The following CELF2 variants were observed in gnomAD, a reference collection of about 807,000 sequenced individuals.
CELF2 encodes the protein CUG triplet repeat RNA-binding protein 2.
In CELF2, 8 loss-of-function variants were observed where a neutral mutation model predicts 62.6. That is an observed-to-expected ratio of 0.13 (90% CI 0.07 to 0.23). The LOEUF (loss-of-function observed/expected upper bound fraction) is 0.23. CELF2 is among the 10% of genes least tolerant of loss of function. CELF2 has a pLI of 1.00. For synonymous variants in CELF2, 258 were observed against 250.0 expected (o/e 1.03, Z -0.30); for missense variants, 333 against 671.0 (o/e 0.50, Z 5.56).
the CELF2 span, among the ~76,000 whole-genome samples, chr10:10,562,933 T>TG: frequency 8.6e-4 from 131 of 151,872 alleles, 3 homozygotes; most frequent in Non-Finnish European, 3.5e-4. Context: ...GCATTTTTTT[T>TG]TTTTAAAGCT....
At chr10:11,148,343 A>G (rs1006543441) in intron 1 of CELF2, among the ~76,000 whole-genome samples, 7 of 152,252 alleles carry the variant, frequency 4.6e-5, no homozygotes, top group Non-Finnish European at 8.8e-5. Context: ...CACAGCGTGT[A>G]ACGGAAGGCA....
the CELF2 span, among the ~76,000 whole-genome samples, chr10:10,688,508 G>A: frequency 1.3e-5 from 2 of 152,164 alleles, no homozygotes; most frequent in African/African-American, 2.4e-5. Flanking sequence ...CCACAACAGA[G>A]TAAACCAATT....
At chr10:11,195,087 G>A (rs1292319792) in intron 2 of CELF2, among the ~76,000 whole-genome samples, 1 of 152,182 alleles carries the variant, frequency 6.6e-6, no homozygotes, top group Non-Finnish European at 1.5e-5. Context: ...CCTTTTGGAA[G>A]CTGTAGAAAT....
At chr10:10,848,360 G>A (rs145258401) in intron 1 of CELF2, among the ~76,000 whole-genome samples, 12 of 152,222 alleles carry the variant, frequency 7.9e-5, no homozygotes, top group Non-Finnish European at 1.2e-4. Flanking sequence ...TGGCAACAGC[G>A]CCTTGAATAT....
the CELF2 span, among the ~76,000 whole-genome samples, chr10:10,479,250 C>T: frequency 6.6e-6 from 1 of 152,120 alleles, no homozygotes; most frequent in Non-Finnish European, 1.5e-5. Flanking sequence ...GTCACTGCAA[C>T]CTCTGACTCT....
intron 1 of CELF2, among the ~76,000 whole-genome samples, chr10:11,118,718 C>A (rs1028462668): frequency 6.6e-6 from 1 of 152,126 alleles, no homozygotes. Context: ...AATGTTAAAG[C>A]AAATAAATGT....
chr10:10,823,291 G>A (rs1037937601), intron 1 of CELF2, among the ~76,000 whole-genome samples: 12 of 152,140 alleles, frequency 7.9e-5, no homozygotes, highest in East Asian at 3.8e-4. Flanking sequence ...TAAAAATTCC[G>A]TATCTGAACA....
chr10:11,030,909 A>G (rs1472322449), intron 1 of CELF2: 1 of 152,256 alleles, frequency 6.6e-6, no homozygotes, highest in East Asian at 1.9e-4. Context: ...AGATCTCTTA[A>G]TGCCTGAGGC....
the CELF2 span, among the ~76,000 whole-genome samples, chr10:10,526,524 G>A: frequency 2.2e-4 from 34 of 151,998 alleles, no homozygotes; most frequent in African/African-American, 7.7e-4. Flanking sequence ...GACCTTATAC[G>A]CATCAGGTAC....
At chr10:11,266,313 C>T (rs532349640) in intron 5 of CELF2, among the ~76,000 whole-genome samples, 2 of 152,042 alleles carry the variant, frequency 1.3e-5, no homozygotes, top group East Asian at 3.9e-4. Flanking sequence ...ATTTCAAACC[C>T]GGTGGCTAAA....
intron 8 of CELF2, among the ~76,000 whole-genome samples, chr10:11,277,269 T>A (rs2086491549): frequency 6.6e-6 from 1 of 152,208 alleles, no homozygotes; most frequent in African/African-American, 2.4e-5. Context: ...CTTAACTCTG[T>A]CCTTGCCATC....
At position 10,936,172 on chromosome 10, in the gene CELF2, T is replaced by A. The variant is rs2046367451; in HGVS notation, c.89+16173T>A. On this transcript the variant is annotated intron_variant, in intron 2 of 13. Transcript: ENST00000636488. This position sits in a 1 kb window ranked among gnomAD's most constrained non-coding sequence, Gnocchi z 4.0. ...GTGAGACTCCATCTCACAAAAAAAATAAATAAAATAATAAAGAGAGAGAAA... is the reference window on the plus strand; with the variant it reads ...GTGAGACTCCATCTCACAAAAAAAAAAAATAAAATAATAAAGAGAGAGAAA... Among the ~76,000 whole-genome samples, 1 of 150,992 alleles carries A rather than the reference T, an allele frequency of 6.6e-6. No homozygotes were observed. Among genetic ancestry groups the A allele is most frequent in the African/African-American group, 2.4e-5 (1 of 41,052 alleles).
At position 11,191,202 on chromosome 10, in the gene CELF2, G is replaced by C. The variant is rs1279599717; in HGVS notation, c.271+25520G>C. ...AACAATGGACACTCATGTTCATCTA[G>C]TTCTGTCCCTTTTCAGCTTTACAGA... is the stretch of plus-strand genomic sequence containing the variant. On this transcript the variant is annotated intron_variant, in intron 2 of 12. Coordinates refer to ENST00000633077, the MANE Select transcript of CELF2 (RefSeq NM_001326342.2). The surrounding 1 kb of genome is among the most constrained non-coding windows in gnomAD (Gnocchi z 4.1). Among the ~76,000 whole-genome samples, 1 of 152,180 alleles carries C rather than the reference G, an allele frequency of 6.6e-6. No individual in the cohort carries two copies. The highest frequency in any genetic ancestry group is 1.5e-5 in the Non-Finnish European group (1 of 68,040).
the CELF2 span, among the ~76,000 whole-genome samples, chr10:10,633,449 C>T: frequency 6.6e-6 from 1 of 152,136 alleles, no homozygotes; most frequent in East Asian, 1.9e-4. Context: ...TGGGTGTTTC[C>T]ATTTCCAACT....
chr10:10,779,318 T>C, the CELF2 span, among the ~76,000 whole-genome samples: 6 of 152,176 alleles, frequency 3.9e-5, no homozygotes, highest in African/African-American at 1.4e-4. Context: ...TAATGCAACA[T>C]ATGGTTGGTG....
chr10:10,906,521 T>A (rs2063348961), intron 1 of CELF2, among the ~76,000 whole-genome samples: 1 of 152,082 alleles, frequency 6.6e-6, no homozygotes, highest in East Asian at 1.9e-4. Flanking sequence ...AGGTAGCATT[T>A]CACTAGTCCT....
At chr10:10,787,924 A>G in the CELF2 span, among the ~76,000 whole-genome samples, 1 of 152,198 alleles carries the variant, frequency 6.6e-6, no homozygotes, top group Non-Finnish European at 1.5e-5. Context: ...TCAAATCATT[A>G]TGGGATGTCC....
At chr10:10,761,936 G>C in the CELF2 span, among the ~76,000 whole-genome samples, 41 of 151,434 alleles carry the variant, frequency 2.7e-4, no homozygotes, top group African/African-American at 9.2e-4. Flanking sequence ...GTGTGTGTGT[G>C]TGTGTGTGTG....
intron 2 of CELF2, among the ~76,000 whole-genome samples, chr10:11,167,229 C>T (rs776037181): frequency 2.0e-4 from 30 of 152,246 alleles, no homozygotes; most frequent in Non-Finnish European, 3.1e-4. Flanking sequence ...TTAATACTTC[C>T]ATGGTATGCT....
Sources: gnomAD v4.1 joint callset for allele counts (sites outside exome capture counted in the v4.1 genomes callset) on GRCh38, gnomAD v4.1.1 for gene constraint, Gnocchi (gnomAD v3.1) non-coding constraint, MANE v1.5 for transcripts, NCBI Gene and HGNC (gene_info 2026-07-23, HGNC 2026-07-21) for gene names.